Variants in RABGEF1 observed in about 807,000 individuals in gnomAD.
RABGEF1 encodes the protein RAB guanine nucleotide exchange factor 1, also known as rab5 GDP/GTP exchange factor.
In RABGEF1, 26 loss-of-function variants were observed where a neutral mutation model predicts 57.3. The observed-to-expected ratio is 0.45, with a 90% CI of 0.33 to 0.63. The LOEUF (loss-of-function observed/expected upper bound fraction) is 0.63, where lower values mean the gene tolerates loss of function less well. RABGEF1 is among the 20% of genes least tolerant of loss of function. RABGEF1 has a pLI of 0.02. For missense variants in RABGEF1, 464 were observed against 607.6 expected, an observed-to-expected ratio of 0.76 and a Z score of 2.48; for synonymous variants, 185 against 210.7, an observed-to-expected ratio of 0.88 and a Z score of 1.06.
chr7:66,751,315 G>A (rs1024213099), intron 1 of RABGEF1, among the ~76,000 whole-genome samples: 1 of 152,190 alleles, frequency 6.6e-6, no homozygotes, highest in Admixed American at 6.5e-5. Context: ...ACAGGCGTGA[G>A]CCACCGTACC....
intron 1 of RABGEF1, among the ~76,000 whole-genome samples, chr7:66,741,983 A>G (rs1799078973): frequency 6.6e-6 from 1 of 151,764 alleles, no homozygotes; most frequent in South Asian, 2.1e-4. Context: ...ACAAATAAAA[A>G]AAAAAAAGAA....
At position 66,724,366 on chromosome 7, in the gene RABGEF1, AT is replaced by A. The variant is rs36097777; in HGVS notation, c.-815+12154del. On this transcript the variant is annotated intron_variant and NMD_transcript_variant, in intron 2 of 9. Transcript: ENST00000607882. The stretch of plus-strand genomic sequence containing the variant: ...CTTTGAATCAGTATTTATTTATTTT[AT>A]TTTTTTTTTTTGAGACGGAGTCTCG... Among the ~76,000 whole-genome samples the A allele has an allele frequency of 2.9e-3, 424 of 145,320 alleles. 1 individual carries two copies. Among genetic ancestry groups the A allele is most frequent in the African/African-American group, 8.7e-3 (345 of 39,884 alleles).
intron 1 of RABGEF1, among the ~76,000 whole-genome samples, chr7:66,743,932 T>C (rs1799586063): frequency 6.6e-6 from 1 of 152,124 alleles, no homozygotes; most frequent in Non-Finnish European, 1.5e-5. Context: ...CACCCGGCCC[T>C]AAAATGGAAT....
intron 3 of RABGEF1, among the ~76,000 whole-genome samples, chr7:66,781,701 A>T (rs914934235): frequency 6.6e-6 from 1 of 152,130 alleles, no homozygotes; most frequent in African/African-American, 2.4e-5. Flanking sequence ...CTCTGCAGAT[A>T]CCTGCAGCTT....
intron 4 of RABGEF1, among the ~76,000 whole-genome samples, chr7:66,786,323 C>T (rs1209798757): frequency 1.3e-5 from 2 of 152,212 alleles, no homozygotes; most frequent in Non-Finnish European, 2.9e-5. Flanking sequence ...ATTTCAGCAC[C>T]TACGTAATTT....
intron 1 of RABGEF1, among the ~76,000 whole-genome samples, chr7:66,742,531 CA>C: frequency 6.6e-6 from 1 of 152,264 alleles, no homozygotes; most frequent in African/African-American, 2.4e-5. Flanking sequence ...GAATGACTAA[CA>C]TTCAGACTAA....
upstream of RABGEF1, among the ~76,000 whole-genome samples, chr7:66,739,465 C>T (rs1798469482): frequency 6.6e-6 from 1 of 150,706 alleles, no homozygotes; most frequent in Non-Finnish European, 1.5e-5. Flanking sequence ...ACCAGCCTGG[C>T]CAACATGGTG....
At chr7:66,796,649 G>C (rs1163297721) in intron 5 of RABGEF1, 1 of 251,540 alleles carries the variant, frequency 4.0e-6, no homozygotes, top group African/African-American at 2.4e-5. Context: ...CTGGAGTACA[G>C]TGGTGTGACC....
At chr7:66,780,934 A>G (rs774590918) in intron 3 of RABGEF1, among the ~76,000 whole-genome samples, 5 of 152,110 alleles carry the variant, frequency 3.3e-5, no homozygotes, top group Non-Finnish European at 7.4e-5. Flanking sequence ...TTTATATTTA[A>G]AGTTAATTTC....
rs187829289 is a variant in RABGEF1, at chr7:66,769,499, A to G, written c.-17-2384A>G. On this transcript the variant is annotated intron_variant, in intron 1 of 8. Coordinates refer to ENST00000284957, the MANE Select transcript of RABGEF1 (RefSeq NM_014504.3). ...CCACTCTGATCAGCAGAGCATGTGCATACACAGAGGAGACACAGGAGAACC... is the reference window on the plus strand; with the variant it reads ...CCACTCTGATCAGCAGAGCATGTGCGTACACAGAGGAGACACAGGAGAACC... Among the ~76,000 whole-genome samples, 9 of 152,370 alleles carry G rather than the reference A, an allele frequency of 5.9e-5. No homozygotes were observed. The East Asian group carries it at 1.7e-3, about 29-fold the overall frequency.
chr7:66,733,624 G>A (rs1797594452), intron 2 of RABGEF1, among the ~76,000 whole-genome samples: 1 of 152,158 alleles, frequency 6.6e-6, no homozygotes, highest in Admixed American at 6.5e-5. Flanking sequence ...CGTGAACCCG[G>A]GAGGTGGAAG....
chr7:66,748,274 C>T (rs1053625442), intron 1 of RABGEF1, among the ~76,000 whole-genome samples: 6 of 152,136 alleles, frequency 3.9e-5, no homozygotes, highest in African/African-American at 1.4e-4. Context: ...ATAATGTGAT[C>T]CGAGTACTTA....
intron 2 of RABGEF1, among the ~76,000 whole-genome samples, chr7:66,726,556 G>A (rs2117583381): frequency 6.6e-6 from 1 of 152,126 alleles, no homozygotes; most frequent in African/African-American, 2.4e-5. Flanking sequence ...AAGAGATGGG[G>A]TCTTGCTATG....
At chr7:66,733,622 C>T (rs1360686669) in intron 2 of RABGEF1, among the ~76,000 whole-genome samples, 2 of 152,110 alleles carry the variant, frequency 1.3e-5, no homozygotes, top group Non-Finnish European at 2.9e-5. Flanking sequence ...TGCGTGAACC[C>T]GGGAGGTGGA....
At chr7:66,731,976 G>A (rs1469491871) in intron 2 of RABGEF1, among the ~76,000 whole-genome samples, 1 of 152,206 alleles carries the variant, frequency 6.6e-6, no homozygotes, top group Non-Finnish European at 1.5e-5. Context: ...GGGAAGGCTG[G>A]ACGATGATCT....
intron 1 of RABGEF1, among the ~76,000 whole-genome samples, chr7:66,753,252 A>G (rs1184077951): frequency 6.6e-6 from 1 of 152,184 alleles, no homozygotes; most frequent in African/African-American, 2.4e-5. Flanking sequence ...TTTGAGAATC[A>G]AAGGGGGTGC....
At chr7:66,776,315 T>C (rs1483418973) in intron 3 of RABGEF1, among the ~76,000 whole-genome samples, 1 of 152,218 alleles carries the variant, frequency 6.6e-6, no homozygotes, top group Non-Finnish European at 1.5e-5. Context: ...TTGCTGGTCT[T>C]CTAGGTTTTG....
intron 1 of RABGEF1, among the ~76,000 whole-genome samples, chr7:66,696,393 G>A (rs1167357719): frequency 6.6e-6 from 1 of 152,038 alleles, no homozygotes; most frequent in Admixed American, 6.6e-5. Context: ...TTAAATGAGA[G>A]AAAGTGGACC....
At chr7:66,708,634 T>C (rs1489901451) in intron 1 of RABGEF1, among the ~76,000 whole-genome samples, 1 of 152,038 alleles carries the variant, frequency 6.6e-6, no homozygotes, top group African/African-American at 2.4e-5. Flanking sequence ...GGAGACTCCA[T>C]CTCTACAAAA....
Sources: gnomAD v4.1 joint callset for allele counts (sites outside exome capture counted in the v4.1 genomes callset) on GRCh38, gnomAD v4.1.1 for gene constraint, MANE v1.5 for transcripts, NCBI Gene and HGNC (gene_info 2026-07-23, HGNC 2026-07-21) for gene names.